Variants in ARNT2 observed in about 807,000 individuals in gnomAD.
ARNT2 encodes the protein aryl hydrocarbon receptor nuclear translocator 2.
Under a neutral mutation model 91.7 loss-of-function variants are expected in ARNT2, and 36 were observed. The ratio of observed to expected loss-of-function variants is 0.39; its 90% confidence interval spans 0.30 to 0.52. The LOEUF is 0.52. Among genes scored for constraint, ARNT2 ranks in the 20% least tolerant of loss-of-function variants. The pLI is 0.72. For missense variants in ARNT2, 775 were observed against 939.3 expected (o/e 0.83, Z 2.29); for synonymous variants, 365 against 347.1 (o/e 1.05, Z -0.57).
rs556437599 is a variant in ARNT2 at position 80,473,842 on chromosome 15, T to G, written c.409-1168T>G. Among the ~76,000 whole-genome samples the G allele has an allele frequency of 3.9e-4, 59 of 152,288 alleles. 2 individuals carry two copies. The South Asian group carries it at 0.012, about 30-fold the overall frequency. The stretch of plus-strand genomic sequence containing the variant: ...GATTTGGGGCGCCAGACTCTCCACC[T>G]TTTGCCTTCACTCTGCTGGCTGTCC... On this transcript the variant is annotated intron_variant, in intron 4 of 18. Transcript: ENST00000303329.
At chr15:80,412,119 T>C (rs1444934634) in intron 1 of ARNT2, among the ~76,000 whole-genome samples, 1 of 152,236 alleles carries the variant, frequency 6.6e-6, no homozygotes, top group Non-Finnish European at 1.5e-5. Context: ...AGTTGGAAGC[T>C]GAGGCTCTTT....
At chr15:80,545,165 A>G (rs1397958623) in intron 8 of ARNT2, among the ~76,000 whole-genome samples, 1 of 152,204 alleles carries the variant, frequency 6.6e-6, no homozygotes, top group East Asian at 1.9e-4. Context: ...ACTGAGCAGG[A>G]GAACACCTTC....
At chr15:80,566,532 T>G (rs1311167202) in intron 12 of ARNT2, among the ~76,000 whole-genome samples, 1 of 152,186 alleles carries the variant, frequency 6.6e-6, no homozygotes, top group Non-Finnish European at 1.5e-5. Flanking sequence ...CTTCCTGATC[T>G]CGGAGAATCC....
intron 8 of ARNT2, among the ~76,000 whole-genome samples, chr15:80,530,422 C>G (rs1039136160): frequency 6.6e-6 from 1 of 152,182 alleles, no homozygotes; most frequent in Non-Finnish European, 1.5e-5. Context: ...ATGCCGTGTT[C>G]TGTGCTGATC....
At position 80,576,976 on chromosome 15, in the gene ARNT2, G is replaced by A. The variant is rs763331812; in HGVS notation, c.1613+11G>A. 1.9e-6 allele frequency: 3 copies of A among 1,612,988 alleles called. No individual in the cohort carries two copies. Among genetic ancestry groups the A allele is most frequent in the East Asian group, 2.2e-5 (1 of 44,892 alleles). On this transcript the variant is annotated intron_variant, in intron 15 of 18. Transcript: ENST00000303329. ...CGGGAAGGCCTTCAGGTATGTGCCA[G>A]CGAGGGGGACAATGGCGTGGGAAGA...
At chr15:80,494,552 C>T (rs1897099309) in intron 5 of ARNT2, among the ~76,000 whole-genome samples, 1 of 152,144 alleles carries the variant, frequency 6.6e-6, no homozygotes, top group African/African-American at 2.4e-5. Context: ...AGAATTTGTA[C>T]TTTTGTCTAC....
intron 8 of ARNT2, among the ~76,000 whole-genome samples, chr15:80,535,933 T>C (rs1023843049): frequency 3.9e-5 from 6 of 152,322 alleles, no homozygotes; most frequent in African/African-American, 1.4e-4. Flanking sequence ...TTTTTATGTC[T>C]TTTTATGTAA....
At chr15:80,471,491 T>C (rs1896730708) in intron 4 of ARNT2, among the ~76,000 whole-genome samples, 1 of 152,114 alleles carries the variant, frequency 6.6e-6, no homozygotes. Flanking sequence ...ATGAGTTTAC[T>C]CCCTTGGCAG....
At position 80,404,429 on chromosome 15, in the gene ARNT2, C is replaced by A; in HGVS notation, c.-87C>A. 1.0e-6 allele frequency: 1 copy of A among 952,380 alleles called. No individual in the cohort carries two copies. The highest frequency in any genetic ancestry group is 1.3e-6 in the Non-Finnish European group (1 of 770,528). 59.0% of individuals were successfully genotyped at this position (952,380 alleles called of 1,614,324 possible). ...TGTGTGGCGGCGGCGGCGCCTGGGC[C>A]TGACCGGGTCCCCGGGGCTGAGCGC... On this transcript the variant is annotated 5_prime_UTR_variant, in exon 1 of 19. The change creates a new upstream start codon in the 5' untranslated region. Coordinates refer to ENST00000303329, the MANE Select transcript of ARNT2 (RefSeq NM_014862.4). The surrounding 1 kb of genome is among the most constrained non-coding windows in gnomAD (Gnocchi z 5.5).
chr15:80,458,678 TC>T (rs952662334), intron 3 of ARNT2, among the ~76,000 whole-genome samples: 82 of 152,044 alleles, frequency 5.4e-4, no homozygotes, highest in African/African-American at 1.9e-3. Flanking sequence ...TTTTTTTTTT[TC>T]CATTTTGTTT....
intron 8 of ARNT2, among the ~76,000 whole-genome samples, chr15:80,519,049 A>G (rs1255013773): frequency 6.6e-6 from 1 of 152,204 alleles, no homozygotes; most frequent in Non-Finnish European, 1.5e-5. Flanking sequence ...ACATTCATAT[A>G]GTAAAGTTAA....
At chr15:80,407,727 G>A (rs982245580) in intron 1 of ARNT2, among the ~76,000 whole-genome samples, 2 of 152,254 alleles carry the variant, frequency 1.3e-5, no homozygotes, top group South Asian at 2.1e-4. Context: ...GTGTGTGTGT[G>A]TGTTGTTTTG....
intron 9 of ARNT2, 115 bp from the exon 10 acceptor site, chr15:80,552,525 T>G: frequency 7.5e-7 from 1 of 1,339,120 alleles, no homozygotes; most frequent in Non-Finnish European, 1.0e-6. Flanking sequence ...TCGTACTAAA[T>G]GACATGGAAG....
chr15:80,482,634 G>A (rs887013432), intron 5 of ARNT2, among the ~76,000 whole-genome samples: 45 of 152,198 alleles, frequency 3.0e-4, no homozygotes, highest in South Asian at 2.1e-4. Context: ...CCAGAACAGC[G>A]TTTAGTGGGG....
intron 11 of ARNT2, among the ~76,000 whole-genome samples, chr15:80,561,285 G>T (rs563806374): frequency 1.3e-5 from 2 of 152,230 alleles, no homozygotes; most frequent in African/African-American, 4.8e-5. Flanking sequence ...AAACCCGACT[G>T]CCATGGCCCA....
chr15:80,501,645 C>T (rs745515071), intron 5 of ARNT2, among the ~76,000 whole-genome samples: 36 of 152,352 alleles, frequency 2.4e-4, no homozygotes, highest in Non-Finnish European at 4.3e-4. Context: ...GGGGCTAACT[C>T]CCGGTCTCAG....
chr15:80,581,074 C>G (rs1323729807), intron 16 of ARNT2, 165 bp from the exon 17 acceptor site: 4 of 793,134 alleles, frequency 5.0e-6, no homozygotes, highest in Non-Finnish European at 5.9e-6. Flanking sequence ...TGGGCCCTCA[C>G]ACACCGGGCT....
intron 5 of ARNT2, chr15:80,475,473 T>C (rs1896788505): frequency 5.4e-6 from 2 of 368,234 alleles, no homozygotes; most frequent in Non-Finnish European, 1.0e-5. Context: ...GGTGGGAGAA[T>C]GGCATGAACC....
chr15:80,422,119 A>G (rs1895869396), intron 1 of ARNT2, among the ~76,000 whole-genome samples: 1 of 152,192 alleles, frequency 6.6e-6, no homozygotes, highest in East Asian at 1.9e-4. Context: ...AGTTTCAGGT[A>G]GAGATGGTAG....
Sources: gnomAD v4.1 joint callset for allele counts (sites outside exome capture counted in the v4.1 genomes callset) on GRCh38, gnomAD v4.1.1 for gene constraint, Gnocchi (gnomAD v3.1) non-coding constraint, MANE v1.5 for transcripts, NCBI Gene and HGNC (gene_info 2026-07-23, HGNC 2026-07-21) for gene names.